Variants in CPSF6 observed in about 807,000 individuals in gnomAD.
CPSF6 encodes cleavage and polyadenylation specific factor 6.
A neutral mutation model predicts 56.7 loss-of-function variants in CPSF6; 10 were observed. The ratio of observed to expected loss-of-function variants is 0.18; its 90% CI spans 0.11 to 0.30. The LOEUF (loss-of-function observed/expected upper bound fraction) is 0.30, where lower values mean the gene tolerates loss of function less well. CPSF6 is among the 10% of genes least tolerant of loss of function. The pLI, the probability that CPSF6 is intolerant of heterozygous loss-of-function variation, is 1.00. For missense variants in CPSF6, 419 were observed against 722.9 expected (o/e 0.58, Z 4.82); for synonymous variants, 248 against 244.8 (o/e 1.01, Z -0.12).
intron 9 of CPSF6, among the ~76,000 whole-genome samples, chr12:69,263,086 T>TA (rs199575654): frequency 8.8e-5 from 7 of 79,466 alleles, no homozygotes; most frequent in Non-Finnish European, 1.7e-4. Context: ...AATTTTCCTT[T>TA]AAAAAAAAAA....
In CPSF6 at chr12:69,274,317, GTA is replaced by G. The variant is rs1358915792; in HGVS notation, c.*4811_*4812del. On this transcript the variant is annotated 3_prime_UTR_variant, in exon 10 of 10. Coordinates refer to ENST00000435070, the MANE Select transcript of CPSF6 (RefSeq NM_007007.3). ...TTAAACTGCACTAGTAACAAGCATGGTATTTATCTTGTATTGAAAATAAAACA... is the reference window on the plus strand; with the variant it reads ...TTAAACTGCACTAGTAACAAGCATGGTTTATCTTGTATTGAAAATAAAACA... 6.6e-6 allele frequency: 1 copy of G among 151,816 alleles called. No homozygotes were observed. Among genetic ancestry groups the G allele is most frequent in the Admixed American group, 6.6e-5 (1 of 15,238 alleles). The allele number at this position is 151,816 out of a possible 1,614,324, so 9.4% of individuals were successfully genotyped here.
chr12:69,249,024 A>G (rs1303502450), intron 1 of CPSF6, among the ~76,000 whole-genome samples: 1 of 151,622 alleles, frequency 6.6e-6, no homozygotes, highest in Admixed American at 6.6e-5. Context: ...AGGCGGGCGG[A>G]TCACGAGGTC....
rs1268407721 is a variant in CPSF6, at chr12:69,271,660, T to C, written c.*2152T>C. Reference sequence around the variant, plus strand: ...AGATTTGTTTGCTGCTAATCCGTTATTTTAAGTGTTGTCAGAAGGAAATAA... The same window carrying C: ...AGATTTGTTTGCTGCTAATCCGTTACTTTAAGTGTTGTCAGAAGGAAATAA... On this transcript the variant is annotated 3_prime_UTR_variant, in exon 10 of 10. Coordinates refer to ENST00000435070, the MANE Select transcript of CPSF6 (RefSeq NM_007007.3). 1 of 151,744 alleles carries C rather than the reference T, an allele frequency of 6.6e-6. No individual in the cohort carries two copies. The highest frequency in any genetic ancestry group is 2.1e-4 in the South Asian group (1 of 4,832). The allele number at this position is 151,744 out of a possible 1,614,324, so 9.4% of individuals were successfully genotyped here.
intron 1 of CPSF6, among the ~76,000 whole-genome samples, chr12:69,242,510 TCAC>T (rs1871678425): frequency 6.6e-6 from 1 of 152,210 alleles, no homozygotes; most frequent in East Asian, 1.9e-4. Context: ...GTGCCTTTCT[TCAC>T]CAGGTGAACT....
Position 69,272,869 on chromosome 12 carries a change from A to AGTGTGTGTGT in CPSF6, c.*3380_*3389dup, listed in dbSNP as rs3051105. The AGTGTGTGTGT allele has an allele frequency of 2.0e-3, 305 of 154,224 alleles. 1 individual carries two copies. The highest frequency in any genetic ancestry group is 3.3e-3 in the Middle Eastern group (1 of 306). The allele number at this position is 154,224 out of a possible 1,614,324, so 9.6% of individuals were successfully genotyped here. A position where few individuals can be genotyped will look rare whatever the true frequency, so the allele number is the denominator to read the frequency against. Reference sequence around the variant, plus strand: ...AAGCATTCTATTTTTCTGTTCTTACAGTGTGTGTGTGTGTGTGTGTGTGTG... The same window carrying AGTGTGTGTGT: ...AAGCATTCTATTTTTCTGTTCTTACAGTGTGTGTGTGTGTGTGTGTGTGTGTGTGTGTGTG... On this transcript the variant is annotated 3_prime_UTR_variant, in exon 10 of 10. Transcript: ENST00000435070.
In CPSF6 at chr12:69,259,551, T is replaced by A. The variant is rs760621797; in HGVS notation, c.1315+8T>A. On this transcript the variant is annotated splice_region_variant and intron_variant, in intron 7 of 9. Coordinates refer to ENST00000435070, the MANE Select transcript of CPSF6 (RefSeq NM_007007.3). ...TGTCTGATGCCAGTGCTGGTTTGTG[T>A]ATTTCTTGTATTAATATTTCTTATT... The A allele has an allele frequency of 3.8e-6, 6 of 1,595,124 alleles. No homozygotes were observed. Among genetic ancestry groups the A allele is most frequent in the Middle Eastern group, 1.7e-4 (1 of 5,948 alleles).
chr12:69,252,466 G>A (rs1872297318), intron 2 of CPSF6, among the ~76,000 whole-genome samples: 1 of 152,092 alleles, frequency 6.6e-6, no homozygotes, highest in Non-Finnish European at 1.5e-5. Flanking sequence ...AGTTATGAAA[G>A]TATGGTTGCT....
chr12:69,240,061 G>A (rs968411119), intron 1 of CPSF6, among the ~76,000 whole-genome samples: 15 of 151,586 alleles, frequency 9.9e-5, no homozygotes, highest in African/African-American at 3.4e-4. Context: ...TGTAAGCGGC[G>A]GAGAGAACTG....
intron 1 of CPSF6, among the ~76,000 whole-genome samples, chr12:69,242,706 C>T (rs1871690185): frequency 6.6e-6 from 1 of 152,182 alleles, no homozygotes; most frequent in South Asian, 2.1e-4. Flanking sequence ...CTCACAGTAG[C>T]ATATCAATTC....
intron 1 of CPSF6, among the ~76,000 whole-genome samples, chr12:69,240,247 C>T (rs1333241606): frequency 6.6e-6 from 1 of 152,160 alleles, no homozygotes; most frequent in African/African-American, 2.4e-5. Flanking sequence ...CGTTCACGGC[C>T]CTTTGTATCC....
intron 1 of CPSF6, among the ~76,000 whole-genome samples, chr12:69,243,723 G>T (rs1215749535): frequency 6.6e-6 from 1 of 152,198 alleles, no homozygotes; most frequent in African/African-American, 2.4e-5. Context: ...TGAGTGGTGG[G>T]TGAATGTGAA....
Position 69,239,610 on chromosome 12 carries a change from A to C in CPSF6, c.-37A>C. Reference sequence around the variant, plus strand: ...CTGCCGCGGCGGGCAGACCTGCAGGAGGCGGCGGCGGCGGCGGCGGCCGAG... The same window carrying C: ...CTGCCGCGGCGGGCAGACCTGCAGGCGGCGGCGGCGGCGGCGGCGGCCGAG... On this transcript the variant is annotated 5_prime_UTR_variant, in exon 1 of 10. Transcript: ENST00000435070. The C allele has an allele frequency of 1.4e-6, 2 of 1,472,204 alleles. No homozygotes were observed. Among genetic ancestry groups the C allele is most frequent in the South Asian group, 1.3e-5 (1 of 77,836 alleles). The allele number at this position is 1,472,204 out of a possible 1,614,324, so 91.2% of individuals were successfully genotyped here. A position where few individuals can be genotyped will look rare whatever the true frequency, so the allele number is the denominator to read the frequency against.
At chr12:69,265,598 CTTTTTTT>C (rs56097101) in intron 9 of CPSF6, among the ~76,000 whole-genome samples, 5 of 99,800 alleles carry the variant, frequency 5.0e-5, no homozygotes, top group African/African-American at 1.5e-4. Context: ...TATCTGATTA[CTTTTTTT>C]TTTTTTTTTT....
intron 2 of CPSF6, among the ~76,000 whole-genome samples, chr12:69,251,821 A>G (rs1292815522): frequency 2.0e-5 from 3 of 152,160 alleles, no homozygotes; most frequent in Non-Finnish European, 2.9e-5. Context: ...TTCTGTGCGT[A>G]TTATATTTTA....
intron 4 of CPSF6, 44 bp downstream of exon 4, chr12:69,256,886 ACCAGTG>A (rs780722924): frequency 2.0e-6 from 3 of 1,524,124 alleles, no homozygotes; most frequent in Non-Finnish European, 2.7e-6. Context: ...GTACATTTTA[ACCAGTG>A]CATTTGTTAG....
chr12:69,266,608 G>A (rs557107333), intron 9 of CPSF6, among the ~76,000 whole-genome samples: 3 of 152,234 alleles, frequency 2.0e-5, no homozygotes, highest in Admixed American at 6.5e-5. Context: ...AGTTAACGTT[G>A]TTTAAAGAAA....
intron 9 of CPSF6, 125 bp downstream of exon 9, chr12:69,262,687 T>C (rs924418138): frequency 1.8e-6 from 2 of 1,140,676 alleles, no homozygotes; most frequent in Non-Finnish European, 1.2e-6. Context: ...AATTTAATCT[T>C]CTGGAAACAT....
At chr12:69,264,086 C>A (rs1222496242) in intron 9 of CPSF6, among the ~76,000 whole-genome samples, 1 of 151,806 alleles carries the variant, frequency 6.6e-6, no homozygotes, top group East Asian at 1.9e-4. Context: ...GCACTTTTTT[C>A]CCCTGAGTTA....
intron 3 of CPSF6, among the ~76,000 whole-genome samples, chr12:69,255,496 G>C (rs758640494): frequency 1.3e-5 from 2 of 152,128 alleles, no homozygotes; most frequent in African/African-American, 4.8e-5. Context: ...TTATTAATAC[G>C]TGCTCATCAG....
Sources: allele counts gnomAD v4.1 joint callset (sites outside exome capture counted in the v4.1 genomes callset), GRCh38; gene constraint gnomAD v4.1.1; transcripts MANE v1.5; gene names NCBI Gene and HGNC (gene_info 2026-07-23, HGNC 2026-07-21).